GABRA3: variants seen among roughly 807,000 people sequenced by gnomAD.
GABRA3 encodes the protein gamma-aminobutyric acid type A receptor subunit alpha3.
GABRA3 carries 10 observed loss-of-function variants against 30.1 expected under a neutral mutation model. The ratio of observed to expected loss-of-function variants is 0.33; its 90% CI spans 0.20 to 0.56. GABRA3 has a LOEUF of 0.56. Ranked by LOEUF, GABRA3 falls within the 20% of genes least tolerant of loss-of-function variation. GABRA3 has a pLI of 0.89. For synonymous variants in GABRA3, 151 were observed against 146.8 expected, an observed-to-expected ratio of 1.03 and a Z score of -0.21; for missense variants, 233 against 392.0, an observed-to-expected ratio of 0.59 and a Z score of 3.42.
intron 1 of GABRA3, among the ~76,000 whole-genome samples, chrX:152,438,298 T>A (rs1930828369): frequency 8.9e-6 from 1 of 112,064 alleles, no homozygotes; most frequent in Admixed American, 9.5e-5. Flanking sequence ...ATCCAAAATG[T>A]AGACAACACC....
chrX:152,370,043 G>T lies in GABRA3; in HGVS notation c.-26-5447C>A, dbSNP rs757850383. Among the ~76,000 whole-genome samples the T allele has an allele frequency of 4.4e-3, 493 of 111,207 alleles. 4 individuals are homozygous for T. The highest frequency in any genetic ancestry group is 0.015 in the African/African-American group (469 of 30,597). On this transcript the variant is annotated intron_variant, in intron 1 of 9. Transcript: ENST00000370314. ...ACCTACTTCTTCAATAAAAAATGGG[G>T]ATAACATCCATCTTGTAAAGGCTGT...
At position 152,239,784 on chromosome X, in the gene GABRA3, C is replaced by A. The variant is rs1375532252; in HGVS notation, c.552-14939G>T. ...TGTCTCTTTTGATCTTTGTTGGTTTCAAGTCTGTTTTATCAGAGACGAGGA... is the reference window on the plus strand; with the variant it reads ...TGTCTCTTTTGATCTTTGTTGGTTTAAAGTCTGTTTTATCAGAGACGAGGA... On this transcript the variant is annotated intron_variant, in intron 5 of 9. Transcript: ENST00000370314. Among the ~76,000 whole-genome samples the A allele has an allele frequency of 2.4e-4, 25 of 104,874 alleles. 1 individual carries two copies. The highest frequency in any genetic ancestry group is 8.3e-4 in the South Asian group (2 of 2,404). The allele number at this position is 104,874 out of a possible 115,157, so 91.1% of individuals were successfully genotyped here.
intron 3 of GABRA3, among the ~76,000 whole-genome samples, chrX:152,294,130 C>T (rs777537548): frequency 9.0e-6 from 1 of 111,135 alleles, no homozygotes; most frequent in East Asian, 2.8e-4. Context: ...TGAGGAGTAT[C>T]TTTGTGGTCT....
At position 152,230,920 on chromosome X, in the gene GABRA3, A is replaced by G. The variant is rs140297192; in HGVS notation, c.552-6075T>C. Among the ~76,000 whole-genome samples, 21 of 110,513 alleles carry G rather than the reference A, an allele frequency of 1.9e-4. No individual in the cohort carries two copies. In the East Asian group the frequency reaches 5.7e-3, roughly 30 times the overall value. On this transcript the variant is annotated intron_variant, in intron 5 of 9. Transcript: ENST00000370314. ...ATTTCTTAGGTGTGACACCAAAATCATGATGCATACAAGAAAAAAATATGA... is the reference window on the plus strand; with the variant it reads ...ATTTCTTAGGTGTGACACCAAAATCGTGATGCATACAAGAAAAAAATATGA...
rs765721176 is a variant in GABRA3, at chrX:152,402,003, C to G, written c.-26-37407G>C. Among the ~76,000 whole-genome samples the G allele has an allele frequency of 5.4e-5, 6 of 111,659 alleles. No homozygotes were observed. In the South Asian group the frequency reaches 2.3e-3, roughly 42 times the overall value. ...CTCCTTCTTCAGCTCACCCACATAC[C>G]CCTCCCAATAGCTTCACAGTTCAGC... On this transcript the variant is annotated intron_variant, in intron 1 of 9. Transcript: ENST00000370314.
intron 3 of GABRA3, among the ~76,000 whole-genome samples, chrX:152,292,344 T>C (rs1229297598): frequency 8.9e-6 from 1 of 112,087 alleles, no homozygotes; most frequent in Admixed American, 9.5e-5. Flanking sequence ...TTTGTATTTC[T>C]GATGTAGTTT....
At chrX:152,179,644 G>A (rs939802053) in intron 9 of GABRA3, among the ~76,000 whole-genome samples, 6 of 109,452 alleles carry the variant, frequency 5.5e-5, no homozygotes, top group South Asian at 8.1e-4. Flanking sequence ...ACAGGCGCCC[G>A]CCACCACACC....
chrX:152,383,415 GAAAGA>G (rs1556789740), intron 1 of GABRA3, among the ~76,000 whole-genome samples: 2 of 90,010 alleles, frequency 2.2e-5, no homozygotes, highest in Non-Finnish European at 4.4e-5. Context: ...AAAAAAGAAA[GAAAGA>G]AAAGAAAAGA....
At chrX:152,195,636 G>A (rs946044109) in intron 8 of GABRA3, among the ~76,000 whole-genome samples, 1 of 111,180 alleles carries the variant, frequency 9.0e-6, no homozygotes, top group Non-Finnish European at 1.9e-5. Context: ...CTTCAAATCC[G>A]ACAGCAGAGC....
At chrX:152,437,140 C>G (rs1930796336) in intron 1 of GABRA3, among the ~76,000 whole-genome samples, 1 of 111,298 alleles carries the variant, frequency 9.0e-6, no homozygotes, top group African/African-American at 3.3e-5. Context: ...CAATGAGCTA[C>G]CACTACGCAC....
intron 1 of GABRA3, among the ~76,000 whole-genome samples, chrX:152,386,019 G>C (rs1281005417): frequency 9.1e-6 from 1 of 109,469 alleles, no homozygotes. Context: ...TTTGAAGTCA[G>C]GTAGTGTGAT....
chrX:152,190,354 A>G, intron 8 of GABRA3, among the ~76,000 whole-genome samples: 1 of 110,578 alleles, frequency 9.0e-6, no homozygotes, highest in Non-Finnish European at 1.9e-5. Context: ...ATGCAAGGGA[A>G]AAAAAATCTG....
chrX:152,168,585 G>T (rs750406413), intron 9 of GABRA3, 22 bp from the exon 10 acceptor site: 6 of 1,117,683 alleles, frequency 5.4e-6, no homozygotes, highest in African/African-American at 3.6e-5. Flanking sequence ...GAAAAAGAGG[G>T]GGGGAAAGGG....
chrX:152,281,959 G>A (rs1194111802), intron 4 of GABRA3, among the ~76,000 whole-genome samples: 2 of 111,945 alleles, frequency 1.8e-5, no homozygotes, highest in Non-Finnish European at 3.8e-5. Context: ...TTAATAAAAA[G>A]TTGGGAGTTT....
At chrX:152,295,035 C>T (rs921526926) in intron 3 of GABRA3, among the ~76,000 whole-genome samples, 23 of 111,033 alleles carry the variant, frequency 2.1e-4, no homozygotes, top group East Asian at 2.9e-4. Context: ...TGCAGAACAG[C>T]GAATATTGCT....
At chrX:152,196,232 C>CA (rs540657110) in intron 8 of GABRA3, among the ~76,000 whole-genome samples, 735 of 72,052 alleles carry the variant, frequency 0.01, 4 homozygotes, top group South Asian at 0.048. Flanking sequence ...ACTAAAAATA[C>CA]AAAAAAAAAA....
chrX:152,367,422 T>C (rs1473990964), intron 1 of GABRA3, among the ~76,000 whole-genome samples: 1 of 111,759 alleles, frequency 8.9e-6, no homozygotes, highest in Non-Finnish European at 1.9e-5. Context: ...AATATGTAAT[T>C]GCATGGCCAA....
intron 5 of GABRA3, among the ~76,000 whole-genome samples, chrX:152,229,435 G>A (rs1938025370): frequency 9.0e-6 from 1 of 110,761 alleles, no homozygotes; most frequent in Non-Finnish European, 1.9e-5. Flanking sequence ...ATTTTACCAT[G>A]CTTTGGAAGG....
At chrX:152,371,741 C>T (rs1928847353) in intron 1 of GABRA3, among the ~76,000 whole-genome samples, 1 of 111,446 alleles carries the variant, frequency 9.0e-6, no homozygotes, top group African/African-American at 3.3e-5. Context: ...GTATTTTCAT[C>T]TATCACTCCA....
Sources: allele counts gnomAD v4.1 joint callset (sites outside exome capture counted in the v4.1 genomes callset), GRCh38; gene constraint gnomAD v4.1.1; transcripts MANE v1.5; gene names NCBI Gene and HGNC (gene_info 2026-07-23, HGNC 2026-07-21).